The following MADD variants were observed in gnomAD, a reference collection of about 807,000 sequenced individuals.
The protein encoded by MADD is MAP kinase-activating death domain protein.
MADD carries 109 observed loss-of-function variants against 176.7 expected under a neutral mutation model. That is an observed-to-expected ratio of 0.62 (90% CI 0.53 to 0.72). The LOEUF is 0.72. MADD is among the 30% of genes least tolerant of loss of function. The pLI is 0.00. For missense variants in MADD, 1,914 were observed against 2,045.5 expected, an observed-to-expected ratio of 0.94 and a Z score of 1.24; for synonymous variants, 771 against 771.3, an observed-to-expected ratio of 1.00 and a Z score of 0.01.
intron 12 of MADD, 144 bp from the exon 13 acceptor site, chr11:47,284,797 A>G: frequency 1.6e-6 from 2 of 1,287,552 alleles, no homozygotes; most frequent in Non-Finnish European, 2.1e-6. Context: ...TTGTGGGGAC[A>G]GAGAACGGGT....
At chr11:47,327,585 T>C in intron 31 of MADD, 1 of 985,310 alleles carries the variant, frequency 1.0e-6, no homozygotes, top group Non-Finnish European at 1.2e-6. Context: ...CTTCCTACCT[T>C]GCCTCCCCCT....
chr11:47,282,762 T>G, intron 9 of MADD, 51 bp from the exon 10 acceptor site: 1 of 1,603,930 alleles, frequency 6.2e-7, no homozygotes, highest in South Asian at 1.1e-5. Context: ...AGGCGTTGCT[T>G]GCCTTTTTTT....
At chr11:47,280,485 A>T (rs1453840634) in intron 7 of MADD, among the ~76,000 whole-genome samples, 1 of 150,714 alleles carries the variant, frequency 6.6e-6, no homozygotes, top group African/African-American at 2.4e-5. Context: ...CTGTGTTTTC[A>T]GTCTTGATGA....
chr11:47,322,263 G>C (rs552599951), intron 27 of MADD, among the ~76,000 whole-genome samples: 2 of 152,160 alleles, frequency 1.3e-5, no homozygotes, highest in East Asian at 3.9e-4. Context: ...CTTTAGACCT[G>C]TGCCCTTCAC....
At chr11:47,329,460 GTCCTTGTCCC>G in exon 33 of MADD, 1 of 357,684 alleles carries the variant, frequency 2.8e-6, no homozygotes, top group Non-Finnish European at 5.3e-6. Flanking sequence ...GTGGTTCCTT[GTCCTTGTCCC>G]TGGCGTTATA....
chr11:47,291,341 T>G (rs10838687), intron 19 of MADD, among the ~76,000 whole-genome samples: 47,831 of 152,020 alleles, frequency 0.31, 8,776 homozygotes, highest in East Asian at 0.64. Context: ...TTTAAATGCT[T>G]CTTCACTGGA....
chr11:47,314,231 CAAA>C (rs751848858), intron 26 of MADD, among the ~76,000 whole-genome samples: 5 of 119,934 alleles, frequency 4.2e-5, no homozygotes, highest in Admixed American at 1.7e-4. Context: ...GACCCTGTCT[CAAA>C]AAAAAAAAAA....
chr11:47,327,474 C>T (rs2095575726), intron 31 of MADD: 25 of 985,308 alleles, frequency 2.5e-5, no homozygotes, highest in Non-Finnish European at 2.8e-5. Context: ...TGCTGCCTCT[C>T]CCCAGGTCTC....
At chr11:47,309,448 C>G (rs748060005) in intron 24 of MADD, 47 bp downstream of exon 27, 1 of 1,614,034 alleles carries the variant, frequency 6.2e-7, no homozygotes, top group South Asian at 1.1e-5. Context: ...TCAGCCTCCT[C>G]CCAGTTAGTT....
At chr11:47,304,340 C>T (rs2140309630) in intron 22 of MADD, among the ~76,000 whole-genome samples, 1 of 151,934 alleles carries the variant, frequency 6.6e-6, no homozygotes, top group East Asian at 1.9e-4. Context: ...AAGCAATTCT[C>T]CTGCCTCAGC....
chr11:47,299,584 GCTTTTT>G (rs1233076247), intron 22 of MADD, among the ~76,000 whole-genome samples: 8,115 of 64,816 alleles, frequency 0.13, 388 homozygotes, highest in East Asian at 0.22. Flanking sequence ...AGATTTTAGG[GCTTTTT>G]TTTTTTTTTT....
chr11:47,303,606 C>T (rs1383786126), intron 22 of MADD, among the ~76,000 whole-genome samples: 1 of 126,554 alleles, frequency 7.9e-6, no homozygotes, highest in African/African-American at 3.2e-5. Context: ...CTTGGAGAGG[C>T]CTTTTTTTTT....
At position 47,270,221 on chromosome 11, in the gene MADD, C is replaced by G. The variant is rs1958999183; in HGVS notation, c.-114C>G. The G allele has an allele frequency of 2.0e-5, 3 of 151,916 alleles. No homozygotes were observed. The South Asian group carries it at 6.2e-4, about 32-fold the overall frequency. 9.4% of individuals were successfully genotyped at this position (151,916 alleles called of 1,614,324 possible). On this transcript the variant is annotated 5_prime_UTR_variant, in exon 1 of 33. Transcript: ENST00000402192. Reference sequence around the variant, plus strand: ...GCTGCCGGGGGACGTCGGGCTGGGCCTGGCCAGTCCCCCAGAGCTTGGGAG... The same window carrying G: ...GCTGCCGGGGGACGTCGGGCTGGGCGTGGCCAGTCCCCCAGAGCTTGGGAG...
intron 7 of MADD, 140 bp downstream of exon 7, chr11:47,279,219 G>A (rs189832770): frequency 7.9e-5 from 56 of 708,050 alleles, no homozygotes; most frequent in South Asian, 6.3e-4. Context: ...TTAAGAAAAC[G>A]CGTATCCCAT....
Position 47,325,517 on chromosome 11 carries a change from G to A in MADD, c.4542+940G>A, listed in dbSNP as rs966407597. 3.3e-5 allele frequency among the ~76,000 whole-genome samples: 5 copies of A among 152,212 alleles called. No individual in the cohort carries two copies. The highest frequency in any genetic ancestry group is 5.9e-5 in the Non-Finnish European group (4 of 68,048). On this transcript the variant is annotated intron_variant, in intron 30 of 32. Transcript: ENST00000402192. The surrounding 1 kb of genome is among the most constrained non-coding windows in gnomAD (Gnocchi z 4.5). ...GGCTGTCTCCCTCCCTCCGCTAGCC[G>A]TTGTAGCTCTCTTTCAGGAACGTAG...
At chr11:47,275,801 C>A in intron 3 of MADD, 98 bp from the exon 4 acceptor site, 1 of 1,182,902 alleles carries the variant, frequency 8.5e-7, no homozygotes, top group Non-Finnish European at 1.2e-6. Context: ...TGCTCCGTTT[C>A]CCATTGTCAT....
exon 14 of MADD, chr11:47,285,523 A>G (rs2059988893): frequency 6.2e-7 from 1 of 1,614,150 alleles, no homozygotes; most frequent in Non-Finnish European, 8.5e-7. Context: ...ACTCTCGGGC[A>G]AGCTCTCCCA....
intron 22 of MADD, among the ~76,000 whole-genome samples, chr11:47,299,283 G>A (rs548277274): frequency 3.3e-5 from 5 of 151,918 alleles, no homozygotes; most frequent in African/African-American, 1.2e-4. Context: ...CACAATATTC[G>A]TCCAATCCAT....
chr11:47,318,259 T>A (rs1195743492), intron 27 of MADD, among the ~76,000 whole-genome samples: 2 of 152,186 alleles, frequency 1.3e-5, no homozygotes, highest in Non-Finnish European at 2.9e-5. Flanking sequence ...TATAAAGTAG[T>A]AAAATTTTGC....
Sources: allele counts gnomAD v4.1 joint callset (sites outside exome capture counted in the v4.1 genomes callset), GRCh38; gene constraint gnomAD v4.1.1; non-coding constraint Gnocchi (gnomAD v3.1); transcripts MANE v1.5; gene names NCBI Gene and HGNC (gene_info 2026-07-23, HGNC 2026-07-21).